The following SHISA9 variants were observed in gnomAD, a reference collection of about 807,000 sequenced individuals.
SHISA9 encodes the protein protein shisa-9.
A neutral mutation model predicts 38.0 loss-of-function variants in SHISA9; 13 were observed. The ratio of observed to expected loss-of-function variants is 0.34; its 90% CI spans 0.22 to 0.54. The LOEUF is 0.54. Among genes scored for constraint, SHISA9 ranks in the 20% least tolerant of loss-of-function variants. The probability of loss-of-function intolerance (pLI) is 0.91; values close to 1 mark genes in which losing one functional copy is unlikely to be tolerated. For missense variants in SHISA9, 538 were observed against 575.8 expected, an observed-to-expected ratio of 0.93 and a Z score of 0.67; for synonymous variants, 275 against 242.0, an observed-to-expected ratio of 1.14 and a Z score of -1.27.
At chr16:13,064,013 G>A (rs534592577) in intron 2 of SHISA9, among the ~76,000 whole-genome samples, 1 of 152,276 alleles carries the variant, frequency 6.6e-6, no homozygotes, top group African/African-American at 2.4e-5. Context: ...GAGGCCCGTG[G>A]CTCTTCTGTT....
chr16:13,404,242 C>T, the SHISA9 span, among the ~76,000 whole-genome samples: 1 of 152,134 alleles, frequency 6.6e-6, no homozygotes, highest in Admixed American at 6.6e-5. Flanking sequence ...ATAAAATAGA[C>T]AGCTTCTATG....
intron 2 of SHISA9, among the ~76,000 whole-genome samples, chr16:13,104,985 C>T (rs2141960667): frequency 6.6e-6 from 1 of 152,248 alleles, no homozygotes; most frequent in South Asian, 2.1e-4. Context: ...CTCAGTTTCC[C>T]TGTCCATAAA....
the SHISA9 span, among the ~76,000 whole-genome samples, chr16:13,367,561 G>C: frequency 6.7e-6 from 1 of 149,902 alleles, no homozygotes; most frequent in Non-Finnish European, 1.5e-5. Flanking sequence ...AAAATCTGTT[G>C]ACTTATTACC....
intron 2 of SHISA9, among the ~76,000 whole-genome samples, chr16:13,048,799 G>T (rs1000042599): frequency 6.6e-6 from 1 of 152,166 alleles, no homozygotes; most frequent in African/African-American, 2.4e-5. Context: ...ACAAGCTTTG[G>T]ACTTCAAGAT....
At chr16:13,428,848 C>T in the SHISA9 span, among the ~76,000 whole-genome samples, 1 of 150,314 alleles carries the variant, frequency 6.7e-6, no homozygotes, top group Non-Finnish European at 1.5e-5. Context: ...TCACTACAAC[C>T]TCCGCCTCCC....
At chr16:13,311,060 C>A in the SHISA9 span, among the ~76,000 whole-genome samples, 1 of 151,984 alleles carries the variant, frequency 6.6e-6, no homozygotes, top group Non-Finnish European at 1.5e-5. Flanking sequence ...AGCAGGAGTC[C>A]ATGTAAAACC....
chr16:13,040,275 C>T lies in SHISA9; in HGVS notation c.691+123460C>T, dbSNP rs138408182. 1.0e-3 allele frequency among the ~76,000 whole-genome samples: 156 copies of T among 152,312 alleles called. 1 individual carries two copies. The highest frequency in any genetic ancestry group is 3.7e-3 in the African/African-American group (155 of 41,572). On this transcript the variant is annotated intron_variant, in intron 2 of 4. Coordinates refer to ENST00000558583, the MANE Select transcript of SHISA9 (RefSeq NM_001145204.3). ...CTATCCCTCCTTTTGCCTTGACTAC[C>T]CAGTTCCAGTCACATTGGTTGGCTT...
At chr16:13,086,279 C>T (rs2073709300) in intron 2 of SHISA9, among the ~76,000 whole-genome samples, 1 of 143,650 alleles carries the variant, frequency 7.0e-6, no homozygotes, top group East Asian at 2.1e-4. Flanking sequence ...TGCTTGAACC[C>T]GGGAGGCAGA....
the SHISA9 span, among the ~76,000 whole-genome samples, chr16:13,281,365 C>G: frequency 6.6e-6 from 1 of 151,618 alleles, no homozygotes; most frequent in Non-Finnish European, 1.5e-5. Flanking sequence ...CATAGTATAT[C>G]TTTTTTCGAT....
chr16:13,066,423 T>A (rs1375812944), intron 2 of SHISA9, among the ~76,000 whole-genome samples: 1 of 152,238 alleles, frequency 6.6e-6, no homozygotes, highest in Non-Finnish European at 1.5e-5. Flanking sequence ...TCATTTTCTG[T>A]CTCTTCTCTA....
chr16:13,002,594 G>A (rs2072539460), intron 2 of SHISA9, among the ~76,000 whole-genome samples: 1 of 143,574 alleles, frequency 7.0e-6, no homozygotes, highest in African/African-American at 2.6e-5. Context: ...GTGCAGTGGT[G>A]TGATCTCGGA....
At chr16:13,234,962 C>CTG (rs2051366770) in intron 4 of SHISA9, 68 bp from the exon 5 acceptor site, 1 of 1,381,364 alleles carries the variant, frequency 7.2e-7, no homozygotes. Context: ...CTCTAACTCT[C>CTG]TCTCTCTCTC....
intron 2 of SHISA9, among the ~76,000 whole-genome samples, chr16:13,101,394 A>G (rs1359189905): frequency 1.3e-5 from 2 of 152,344 alleles, no homozygotes; most frequent in South Asian, 4.1e-4. Flanking sequence ...AATATATACA[A>G]TTTTAATTTT....
chr16:13,455,130 T>C, the SHISA9 span, among the ~76,000 whole-genome samples: 1 of 152,218 alleles, frequency 6.6e-6, no homozygotes, highest in Non-Finnish European at 1.5e-5. Flanking sequence ...CTTTATACAC[T>C]ATGTATCCAA....
At chr16:13,000,806 C>A (rs934497748) in intron 2 of SHISA9, among the ~76,000 whole-genome samples, 15 of 152,210 alleles carry the variant, frequency 9.9e-5, no homozygotes, top group African/African-American at 3.6e-4. Context: ...AACTCAGACA[C>A]TTGGAACAAG....
At chr16:13,411,840 T>G in the SHISA9 span, among the ~76,000 whole-genome samples, 1 of 152,154 alleles carries the variant, frequency 6.6e-6, no homozygotes, top group Non-Finnish European at 1.5e-5. Flanking sequence ...CAGATAAAAC[T>G]CAGGGGTTAT....
chr16:13,395,402 A>G, the SHISA9 span, among the ~76,000 whole-genome samples: 30 of 152,346 alleles, frequency 2.0e-4, no homozygotes, highest in African/African-American at 6.7e-4. Flanking sequence ...GCAAGAGTCT[A>G]TGCACAGCAT....
At chr16:13,448,842 G>A in the SHISA9 span, among the ~76,000 whole-genome samples, 1 of 152,130 alleles carries the variant, frequency 6.6e-6, no homozygotes, top group Admixed American at 6.5e-5. Context: ...TGGCTCCGTG[G>A]GTGCCCTTTG....
chr16:13,287,335 G>A, the SHISA9 span, among the ~76,000 whole-genome samples: 1 of 152,124 alleles, frequency 6.6e-6, no homozygotes. Context: ...AGAAAGATAA[G>A]TTCATATGTC....
Sources: allele counts gnomAD v4.1 joint callset (sites outside exome capture counted in the v4.1 genomes callset), GRCh38; gene constraint gnomAD v4.1.1; transcripts MANE v1.5; gene names NCBI Gene and HGNC (gene_info 2026-07-23, HGNC 2026-07-21).